ADAM2: variants seen among roughly 807,000 people sequenced by gnomAD.
ADAM2 encodes the protein ADAM metallopeptidase domain 2.
Under a neutral mutation model 99.3 loss-of-function variants are expected in ADAM2, and 101 were observed. The ratio of observed to expected loss-of-function variants is 1.02; its 90% CI spans 0.87 to 1.20. The LOEUF is 1.20. Ranked by LOEUF, ADAM2 falls within the 50% of genes most tolerant of loss-of-function variation. ADAM2 has a pLI of 0.00. For missense variants in ADAM2, 948 were observed against 878.7 expected, an observed-to-expected ratio of 1.08 and a Z score of -1.00; for synonymous variants, 323 against 287.6, an observed-to-expected ratio of 1.12 and a Z score of -1.25.
In ADAM2 at chr8:39,772,506, A is replaced by G. The variant is rs143209152; in HGVS notation, c.1029-2931T>C. ...ATTTTGGGAATGGAAGCCACTGTGT[A>G]GAAATACAGTGTGAAATTATACTGT... On this transcript the variant is annotated intron_variant, in intron 11 of 20. Transcript: ENST00000265708. Among the ~76,000 whole-genome samples the G allele has an allele frequency of 3.3e-5, 5 of 152,216 alleles. No homozygotes were observed. In the East Asian group the frequency reaches 7.7e-4, roughly 23 times the overall value.
At chr8:39,782,813 A>G (rs960028077) in intron 10 of ADAM2, among the ~76,000 whole-genome samples, 10 of 152,108 alleles carry the variant, frequency 6.6e-5, no homozygotes, top group African/African-American at 2.4e-4. Context: ...TATATCTTCA[A>G]AAAATTAGTT....
At chr8:39,783,419 T>G (rs995185557) in intron 10 of ADAM2, among the ~76,000 whole-genome samples, 1 of 152,168 alleles carries the variant, frequency 6.6e-6, no homozygotes, top group Admixed American at 6.6e-5. Flanking sequence ...GCTCTATATA[T>G]TTTGAAGCAA....
chr8:39,753,191 G>A (rs570545814), intron 16 of ADAM2, among the ~76,000 whole-genome samples: 3 of 152,266 alleles, frequency 2.0e-5, no homozygotes, highest in African/African-American at 7.2e-5. Flanking sequence ...TGAAGTCCAG[G>A]CTTAGATGGT....
chr8:39,747,202 A>T (rs1823506224), intron 18 of ADAM2, among the ~76,000 whole-genome samples: 1 of 152,182 alleles, frequency 6.6e-6, no homozygotes, highest in African/African-American at 2.4e-5. Flanking sequence ...TACCTTTATC[A>T]GCCTGTTTCT....
In ADAM2 at chr8:39,749,756, G is replaced by T; in HGVS notation, c.1798-12C>A. 2 of 1,607,978 alleles carry T rather than the reference G, an allele frequency of 1.2e-6. No individual in the cohort carries two copies. The highest frequency in any genetic ancestry group is 2.2e-5 in the South Asian group (2 of 90,244). Reference sequence around the variant, plus strand: ...TGATTCCTGCAAACCTAAAAAGGATGAGCAAAAATAAGTTAATTGACATGC... The same window carrying T: ...TGATTCCTGCAAACCTAAAAAGGATTAGCAAAAATAAGTTAATTGACATGC... On this transcript the variant is annotated splice_polypyrimidine_tract_variant and intron_variant, in intron 16 of 20. Transcript: ENST00000265708.
In ADAM2 at chr8:39,834,592, G is replaced by A. The variant is rs116009327; in HGVS notation, c.133-593C>T. On this transcript the variant is annotated intron_variant, in intron 2 of 20. Transcript: ENST00000265708. ...TACTAAAAGATGCAAAAAATTAGCC[G>A]GGCATGGGGCGGTTGCCTGTAATCC... is the stretch of plus-strand genomic sequence containing the variant. Among the ~76,000 whole-genome samples the A allele has an allele frequency of 4.8e-3, 722 of 151,986 alleles. 10 individuals are homozygous for A. The highest frequency in any genetic ancestry group is 0.016 in the African/African-American group (661 of 41,424).
intron 3 of ADAM2, among the ~76,000 whole-genome samples, 156 bp downstream of exon 3, chr8:39,833,788 T>C (rs543475349): frequency 6.6e-6 from 1 of 152,258 alleles, no homozygotes; most frequent in Non-Finnish European, 1.5e-5. Context: ...GTTCTAGGTA[T>C]GTATCATATA....
chr8:39,746,688 A>G, intron 18 of ADAM2, 57 bp from the exon 19 acceptor site: 1 of 1,358,852 alleles, frequency 7.4e-7, no homozygotes, highest in Admixed American at 2.5e-5. Flanking sequence ...TAGTAAAGAT[A>G]TTTCTGTATT....
At position 39,788,708 on chromosome 8, in the gene ADAM2, G is replaced by A. The variant is rs199916948; in HGVS notation, c.603C>T (p.Val201=). ...CAATCAACTGGAAAACTTTTTGAGC[G>A]ACAACAGTTGTATCAGACCCCATAT... The part of the protein sequence containing the change: ...YNHMGSDTTV[V]AQKVFQLIGL... The change falls in exon 8 of 21, where the codon GTC becomes GTT. Residue 201 remains valine (V), a synonymous_variant. Transcript: ENST00000265708. 2.3e-5 allele frequency: 36 copies of A among 1,577,438 alleles called. No homozygotes were observed. The highest frequency in any genetic ancestry group is 1.4e-4 in the East Asian group (6 of 42,940).
intron 10 of ADAM2, among the ~76,000 whole-genome samples, chr8:39,784,267 T>A (rs1277973418): frequency 1.3e-5 from 2 of 152,208 alleles, no homozygotes; most frequent in East Asian, 3.9e-4. Context: ...TAGAAAAGCT[T>A]TCTTCCAATT....
At chr8:39,829,390 G>A (rs914351591) in intron 3 of ADAM2, among the ~76,000 whole-genome samples, 6 of 152,046 alleles carry the variant, frequency 3.9e-5, no homozygotes, top group African/African-American at 1.4e-4. Context: ...ATGGCTAACT[G>A]CTGTATTTAA....
At position 39,751,417 on chromosome 8, in the gene ADAM2, G is replaced by T. The variant is rs186919784; in HGVS notation, c.1798-1673C>A. 2.9e-4 allele frequency among the ~76,000 whole-genome samples: 44 copies of T among 152,300 alleles called. No homozygotes were observed. In the East Asian group the frequency reaches 4.4e-3, roughly 15 times the overall value. On this transcript the variant is annotated intron_variant, in intron 16 of 20. Transcript: ENST00000265708. ...CTAGAGAAACAAAAGTTGAGGAAGG[G>T]TTGTTGGTATTACTGGTACCCTTTT...
intron 12 of ADAM2, 149 bp downstream of exon 12, chr8:39,769,243 T>C (rs928926705): frequency 3.2e-5 from 19 of 598,418 alleles, no homozygotes; most frequent in Admixed American, 8.8e-5. Flanking sequence ...ATAAGTGCAC[T>C]CATTAGTTGT....
intron 7 of ADAM2, among the ~76,000 whole-genome samples, chr8:39,793,864 A>C (rs1472034034): frequency 6.6e-6 from 1 of 152,130 alleles, no homozygotes; most frequent in Non-Finnish European, 1.5e-5. Context: ...TATACAGCCC[A>C]TAATGTCCAA....
Position 39,785,206 on chromosome 8 carries a change from C to A in ADAM2, c.891+1768G>T, listed in dbSNP as rs144093755. Among the ~76,000 whole-genome samples the A allele has an allele frequency of 9.4e-4, 143 of 152,284 alleles. 1 individual carries two copies. In the East Asian group the frequency reaches 0.023, roughly 24 times the overall value. On this transcript the variant is annotated intron_variant, in intron 10 of 20. Coordinates refer to ENST00000265708, the MANE Select transcript of ADAM2 (RefSeq NM_001464.5). The stretch of plus-strand genomic sequence containing the variant: ...GAGGAGTTACATTTAAATATTTAAT[C>A]CATCTTGAGTTAATTTTTGCATATG...
intron 3 of ADAM2, among the ~76,000 whole-genome samples, chr8:39,825,323 C>G (rs529958483): frequency 3.3e-5 from 5 of 152,276 alleles, no homozygotes; most frequent in African/African-American, 9.6e-5. Flanking sequence ...TAAATTTGCT[C>G]TATAGTTTTT....
At chr8:39,788,621 GT>G in intron 8 of ADAM2, 47 bp downstream of exon 8, 1 of 1,322,470 alleles carries the variant, frequency 7.6e-7, no homozygotes, top group Non-Finnish European at 1.1e-6. Flanking sequence ...TGTAGAAATT[GT>G]TTTAGTAACA....
chr8:39,779,294 T>G (rs1312073241), intron 10 of ADAM2, among the ~76,000 whole-genome samples: 1 of 152,166 alleles, frequency 6.6e-6, no homozygotes, highest in East Asian at 1.9e-4. Flanking sequence ...GCCTTCTTGC[T>G]GGCCTTTCCT....
At chr8:39,779,841 G>GT (rs767719282) in intron 10 of ADAM2, among the ~76,000 whole-genome samples, 2 of 151,962 alleles carry the variant, frequency 1.3e-5, no homozygotes, top group African/African-American at 2.4e-5. Context: ...TGCCATATAA[G>GT]TTTTTTTAGA....
Sources: allele counts gnomAD v4.1 joint callset (sites outside exome capture counted in the v4.1 genomes callset), GRCh38; gene constraint gnomAD v4.1.1; transcripts MANE v1.5; gene names NCBI Gene and HGNC (gene_info 2026-07-23, HGNC 2026-07-21).